Variants in KLF8 observed in about 807,000 individuals in gnomAD.
KLF8 encodes Krueppel-like factor 8.
KLF8 carries 10 observed loss-of-function variants against 18.2 expected under a neutral mutation model. The observed-to-expected ratio is 0.55, with a 90% CI of 0.34 to 0.93. KLF8 has a LOEUF of 0.93. Among genes scored for constraint, KLF8 ranks in the 40% least tolerant of loss-of-function variants. The pLI is 0.02. For synonymous variants in KLF8, 109 were observed against 97.3 expected (o/e 1.12, Z -0.71); for missense variants, 264 against 277.9 (o/e 0.95, Z 0.36).
rs1602450798 is a variant in KLF8, at chrX:56,265,833, A to G, written c.646+89A>G. ...TCTCCTGTCTCTTTTCACTTCCTCC[A>G]ATTATTCTTGCACACTGCTTCAAGA... On this transcript the variant is annotated intron_variant, in intron 3 of 5. Transcript: ENST00000468660. 6 of 1,107,346 alleles carry G rather than the reference A, an allele frequency of 5.4e-6. No homozygotes were observed. In the South Asian group the frequency reaches 9.0e-5, roughly 17 times the overall value. The allele number at this position is 1,107,346 out of a possible 1,213,427, so 91.3% of individuals were successfully genotyped here. A position where few individuals can be genotyped will look rare whatever the true frequency, so the allele number is the denominator to read the frequency against.
At chrX:56,018,120 C>G in the KLF8 span, among the ~76,000 whole-genome samples, 3 of 111,465 alleles carry the variant, frequency 2.7e-5, no homozygotes, top group Non-Finnish European at 5.7e-5. Context: ...TTATCAAACA[C>G]TAGGACTTAT....
the KLF8 span, among the ~76,000 whole-genome samples, chrX:56,061,338 G>C: frequency 8.9e-6 from 1 of 111,993 alleles, no homozygotes; most frequent in Non-Finnish European, 1.9e-5. Context: ...TGCTTTAGCT[G>C]TATCCCAGAG....
chrX:55,946,286 A>T, the KLF8 span, among the ~76,000 whole-genome samples: 49 of 111,920 alleles, frequency 4.4e-4, 1 homozygote, highest in East Asian at 9.8e-3. Flanking sequence ...ACCAAAACAG[A>T]GATGTAGATC....
the KLF8 span, among the ~76,000 whole-genome samples, chrX:56,018,729 T>C: frequency 9.0e-6 from 1 of 111,480 alleles, no homozygotes; most frequent in Non-Finnish European, 1.9e-5. Context: ...GCCATTTTTG[T>C]AGGTAAAAAT....
intron 2 of KLF8, among the ~76,000 whole-genome samples, chrX:56,253,479 A>G (rs1189489071): frequency 9.0e-6 from 1 of 111,569 alleles, no homozygotes; most frequent in Non-Finnish European, 1.9e-5. Flanking sequence ...GCATTCCCCA[A>G]TGTATGTTCC....
At chrX:56,060,697 T>C in the KLF8 span, among the ~76,000 whole-genome samples, 12 of 112,025 alleles carry the variant, frequency 1.1e-4, no homozygotes, top group African/African-American at 3.6e-4. Flanking sequence ...ATCAGGATGA[T>C]GCTGGCCTCA....
the KLF8 span, among the ~76,000 whole-genome samples, chrX:56,079,474 A>C: frequency 0.53 from 58,686 of 110,579 alleles, 13,723 homozygotes; most frequent in East Asian, 0.75. Context: ...CTTAATCCTG[A>C]GTTCTAGTTT....
the KLF8 span, among the ~76,000 whole-genome samples, chrX:56,126,198 G>A: frequency 9.0e-6 from 1 of 111,551 alleles, no homozygotes; most frequent in Non-Finnish European, 1.9e-5. Context: ...TCAGTAACCT[G>A]CAGCTTTTCC....
the KLF8 span, among the ~76,000 whole-genome samples, chrX:56,015,715 C>A: frequency 9.0e-6 from 1 of 111,168 alleles, no homozygotes; most frequent in Admixed American, 9.6e-5. Context: ...AGAATACCAC[C>A]AGGGAAAAGA....
the KLF8 span, among the ~76,000 whole-genome samples, chrX:56,187,709 C>A: frequency 9.1e-6 from 1 of 110,491 alleles, no homozygotes; most frequent in Non-Finnish European, 1.9e-5. Context: ...GGATGCAAGG[C>A]TGATTCAATA....
the KLF8 span, among the ~76,000 whole-genome samples, chrX:56,222,736 GCC>G: frequency 8.8e-6 from 1 of 113,072 alleles, no homozygotes; most frequent in Admixed American, 9.2e-5. Flanking sequence ...CCAGAACCCT[GCC>G]CCCGGGGAGG....
the KLF8 span, among the ~76,000 whole-genome samples, chrX:55,985,569 G>C: frequency 4.5e-5 from 5 of 110,981 alleles, no homozygotes; most frequent in African/African-American, 1.6e-4. Flanking sequence ...GATGCCTCCA[G>C]CTTTGTTCTT....
the KLF8 span, among the ~76,000 whole-genome samples, chrX:56,184,180 A>T: frequency 1.8e-5 from 2 of 112,173 alleles, no homozygotes; most frequent in African/African-American, 6.5e-5. Context: ...AACACTGCGC[A>T]TTTCCGACGG....
chrX:56,128,516 A>G, the KLF8 span, among the ~76,000 whole-genome samples: 1 of 111,779 alleles, frequency 8.9e-6, no homozygotes, highest in Non-Finnish European at 1.9e-5. Flanking sequence ...AGACCATTTT[A>G]TGCCCCAACT....
chrX:56,097,197 G>T, the KLF8 span, among the ~76,000 whole-genome samples: 2 of 111,236 alleles, frequency 1.8e-5, no homozygotes, highest in African/African-American at 6.5e-5. Context: ...AGCTAAAGAA[G>T]AAAAATTATA....
chrX:56,040,106 C>T, the KLF8 span, among the ~76,000 whole-genome samples: 3 of 111,482 alleles, frequency 2.7e-5, no homozygotes, highest in Non-Finnish European at 3.8e-5. Flanking sequence ...TGATTCTTAT[C>T]AGCTTAAGAA....
chrX:56,091,513 T>C, the KLF8 span, among the ~76,000 whole-genome samples: 1 of 111,289 alleles, frequency 9.0e-6, no homozygotes, highest in Middle Eastern at 4.7e-3. Context: ...TATTTATTTA[T>C]TGAGACAGAG....
the KLF8 span, among the ~76,000 whole-genome samples, chrX:56,095,027 A>T: frequency 9.0e-6 from 1 of 111,692 alleles, no homozygotes; most frequent in Non-Finnish European, 1.9e-5. Flanking sequence ...AGAACAAAAA[A>T]GAACCTGAAT....
the KLF8 span, among the ~76,000 whole-genome samples, chrX:56,070,505 C>A: frequency 1.8e-5 from 2 of 108,220 alleles, no homozygotes; most frequent in Non-Finnish European, 3.9e-5. Context: ...AGATCATATC[C>A]TTTGCAGGGC....
Sources: allele counts gnomAD v4.1 joint callset (sites outside exome capture counted in the v4.1 genomes callset), GRCh38; gene constraint gnomAD v4.1.1; transcripts MANE v1.5; gene names NCBI Gene and HGNC (gene_info 2026-07-23, HGNC 2026-07-21).